SLC71A2: variants seen among roughly 807,000 people sequenced by gnomAD.
SLC71A2 encodes solute carrier family 71 member 2, also known as hippocampus abundant transcript-like 1.
chr9:94,399,335 GAT>G, the SLC71A2 span, among the ~76,000 whole-genome samples: 1 of 152,088 alleles, frequency 6.6e-6, no homozygotes, highest in South Asian at 2.1e-4. Context: ...TTGAAACCAA[GAT>G]GTGTCACACT....
the SLC71A2 span, chr9:94,440,852 T>C: frequency 4.5e-6 from 2 of 447,658 alleles, no homozygotes; most frequent in Non-Finnish European, 8.1e-6. Context: ...TTTTTTGATA[T>C]ATTTAAGTAT....
chr9:94,456,216 A>C, the SLC71A2 span: 1 of 1,588,098 alleles, frequency 6.3e-7, no homozygotes, highest in Non-Finnish European at 8.6e-7. Flanking sequence ...CTGCTGCCTG[A>C]CTGTGCCTGT....
chr9:94,415,090 T>A, the SLC71A2 span: 1 of 1,187,484 alleles, frequency 8.4e-7, no homozygotes. Context: ...CATTTTTTTC[T>A]ATACCATTTT....
At chr9:94,421,865 A>G in the SLC71A2 span, among the ~76,000 whole-genome samples, 2 of 151,274 alleles carry the variant, frequency 1.3e-5, no homozygotes, top group Non-Finnish European at 2.9e-5. Flanking sequence ...GGCTTTTGTG[A>G]GCTTCCATAG....
the SLC71A2 span, among the ~76,000 whole-genome samples, chr9:94,387,821 G>A: frequency 1.3e-5 from 2 of 152,102 alleles, no homozygotes; most frequent in Non-Finnish European, 2.9e-5. Context: ...TAGTCACTCC[G>A]TGCCTAAATA....
the SLC71A2 span, among the ~76,000 whole-genome samples, chr9:94,385,882 CT>C: frequency 6.6e-6 from 1 of 151,922 alleles, no homozygotes; most frequent in Non-Finnish European, 1.5e-5. Flanking sequence ...TAAGGACCTC[CT>C]TTTTTTTCTT....
the SLC71A2 span, among the ~76,000 whole-genome samples, chr9:94,420,537 A>C: frequency 1.3e-5 from 2 of 152,000 alleles, no homozygotes; most frequent in Non-Finnish European, 2.9e-5. Flanking sequence ...TTATACTGTC[A>C]TGTCAAATGT....
the SLC71A2 span, among the ~76,000 whole-genome samples, chr9:94,397,721 GT>G: frequency 2.0e-5 from 3 of 152,266 alleles, no homozygotes; most frequent in African/African-American, 7.2e-5. Context: ...CTCATCAAGT[GT>G]TTTGTAGAAT....
the SLC71A2 span, among the ~76,000 whole-genome samples, chr9:94,396,984 G>A: frequency 3.9e-5 from 6 of 152,096 alleles, no homozygotes; most frequent in African/African-American, 1.4e-4. Context: ...TGGTCAGGCT[G>A]GTTTTGAACT....
At chr9:94,375,202 T>A in the SLC71A2 span, among the ~76,000 whole-genome samples, 1 of 151,954 alleles carries the variant, frequency 6.6e-6, no homozygotes, top group African/African-American at 2.4e-5. Context: ...GAGTTCTCCG[T>A]CCCTGTAACA....
the SLC71A2 span, among the ~76,000 whole-genome samples, chr9:94,391,417 C>A: frequency 6.7e-6 from 1 of 149,206 alleles, no homozygotes; most frequent in Admixed American, 6.7e-5. Flanking sequence ...TGTTGAGGAA[C>A]TAGTAGAGGA....
the SLC71A2 span, among the ~76,000 whole-genome samples, chr9:94,397,831 TATATC>T: frequency 8.5e-5 from 13 of 152,222 alleles, no homozygotes; most frequent in South Asian, 2.1e-4. Flanking sequence ...CCATTTTCAT[TATATC>T]ATATCAACAG....
chr9:94,406,245 T>C, the SLC71A2 span, among the ~76,000 whole-genome samples: 2 of 151,738 alleles, frequency 1.3e-5, no homozygotes, highest in African/African-American at 4.8e-5. Flanking sequence ...GTTTTTTGAT[T>C]ATTATTATTT....
chr9:94,426,738 A>G, the SLC71A2 span, among the ~76,000 whole-genome samples: 1 of 149,612 alleles, frequency 6.7e-6, no homozygotes, highest in Non-Finnish European at 1.5e-5. Flanking sequence ...AATGTTTCCT[A>G]TTTTTTTCAG....
the SLC71A2 span, among the ~76,000 whole-genome samples, chr9:94,402,615 T>C: frequency 1.3e-5 from 2 of 152,224 alleles, no homozygotes; most frequent in Non-Finnish European, 2.9e-5. Flanking sequence ...TCAGATAAGA[T>C]TGTTGCAGAT....
the SLC71A2 span, among the ~76,000 whole-genome samples, chr9:94,416,466 G>A: frequency 1.3e-5 from 2 of 152,344 alleles, no homozygotes; most frequent in East Asian, 3.9e-4. Context: ...GGTTTAGACA[G>A]CAGAGAACTT....
the SLC71A2 span, among the ~76,000 whole-genome samples, chr9:94,380,084 G>A: frequency 1.6e-4 from 25 of 152,098 alleles, no homozygotes; most frequent in Non-Finnish European, 2.9e-5. Context: ...TGGCTGACGC[G>A]GTGAAACCCT....
At chr9:94,403,303 A>AT in the SLC71A2 span, among the ~76,000 whole-genome samples, 1 of 151,710 alleles carries the variant, frequency 6.6e-6, no homozygotes, top group African/African-American at 2.4e-5. Context: ...CGCCTGGCTA[A>AT]TTTTTTTGTA....
At chr9:94,410,210 C>T in the SLC71A2 span, among the ~76,000 whole-genome samples, 5 of 151,750 alleles carry the variant, frequency 3.3e-5, 1 homozygote, top group Non-Finnish European at 7.4e-5. Context: ...ATCTTCCTGC[C>T]TCAGTCTCCT....
Sources: gnomAD v4.1 joint callset for allele counts (sites outside exome capture counted in the v4.1 genomes callset) on GRCh38, gnomAD v4.1.1 for gene constraint, MANE v1.5 for transcripts, NCBI Gene and HGNC (gene_info 2026-07-23, HGNC 2026-07-21) for gene names.